Variants in JAK1 observed in about 807,000 individuals in gnomAD.
The protein encoded by JAK1 is tyrosine-protein kinase JAK1.
Under a neutral mutation model 136.6 loss-of-function variants are expected in JAK1, and 16 were observed. The observed-to-expected ratio is 0.12, with a 90% confidence interval of 0.08 to 0.18. The LOEUF (loss-of-function observed/expected upper bound fraction) is 0.18. JAK1 is among the 10% of genes least tolerant of loss of function. The pLI, the probability that JAK1 is intolerant of heterozygous loss-of-function variation, is 1.00. For missense variants in JAK1, 859 were observed against 1,450.1 expected (o/e 0.59, Z 6.62); for synonymous variants, 492 against 519.5 (o/e 0.95, Z 0.72).
At chr1:64,851,049 A>T in intron 11 of JAK1, 139 bp from the exon 12 acceptor site, 1 of 655,808 alleles carries the variant, frequency 1.5e-6, no homozygotes, top group Non-Finnish European at 2.8e-6. Context: ...CTTATTCAAT[A>T]GGCATATGGC....
At chr1:65,011,659 T>C (rs1646850064) in intron 2 of JAK1, among the ~76,000 whole-genome samples, 1 of 152,162 alleles carries the variant, frequency 6.6e-6, no homozygotes, top group Non-Finnish European at 1.5e-5. Flanking sequence ...AGGAGACATA[T>C]TTTTTCACCT....
chr1:64,986,176 G>T, intron 2 of JAK1: 1 of 423,932 alleles, frequency 2.4e-6, no homozygotes, highest in Non-Finnish European at 4.3e-6. Context: ...GGCGATCTCA[G>T]CTCACTGCAA....
intron 2 of JAK1, among the ~76,000 whole-genome samples, chr1:65,035,088 A>T (rs1050302309): frequency 2.0e-5 from 3 of 151,760 alleles, no homozygotes; most frequent in Non-Finnish European, 2.9e-5. Flanking sequence ...AAATAAATAA[A>T]TAATAAATAA....
chr1:64,855,001 C>G (rs1655838088), intron 11 of JAK1, among the ~76,000 whole-genome samples: 1 of 152,196 alleles, frequency 6.6e-6, no homozygotes, highest in South Asian at 2.1e-4. Context: ...TGTTTGACTC[C>G]AGGGTATGAT....
chr1:64,957,242 G>A (rs1294660865), intron 1 of JAK1, among the ~76,000 whole-genome samples: 4 of 152,138 alleles, frequency 2.6e-5, no homozygotes, highest in Non-Finnish European at 5.9e-5. Context: ...GGATCCTTCC[G>A]TTTTTTCATG....
intron 2 of JAK1, chr1:64,972,778 G>C (rs1225125405): frequency 6.6e-6 from 1 of 152,190 alleles, no homozygotes; most frequent in Non-Finnish European, 1.5e-5. Context: ...GATAGAGTGA[G>C]ACCCTGTCTC....
intron 2 of JAK1, among the ~76,000 whole-genome samples, chr1:64,980,320 T>C (rs1646533038): frequency 6.6e-6 from 1 of 152,134 alleles, no homozygotes; most frequent in East Asian, 1.9e-4. Flanking sequence ...CATGTTACAA[T>C]GAAGGCACTC....
chr1:64,933,889 T>C (rs185634238), intron 1 of JAK1, among the ~76,000 whole-genome samples: 10 of 152,316 alleles, frequency 6.6e-5, no homozygotes, highest in Admixed American at 4.6e-4. Context: ...CTTTGAATCA[T>C]TCAAAATCGC....
chr1:65,020,848 T>A (rs974931931), intron 2 of JAK1, among the ~76,000 whole-genome samples: 1 of 152,068 alleles, frequency 6.6e-6, no homozygotes, highest in African/African-American at 2.4e-5. Context: ...GGTAACAAAA[T>A]ACTCTAGAAC....
At chr1:64,935,783 G>T (rs909629543) in intron 1 of JAK1, among the ~76,000 whole-genome samples, 1 of 152,180 alleles carries the variant, frequency 6.6e-6, no homozygotes, top group Non-Finnish European at 1.5e-5. Context: ...GATGCTAAGG[G>T]AGAAGAAAAG....
intron 1 of JAK1, among the ~76,000 whole-genome samples, chr1:65,064,979 G>C (rs981782855): frequency 6.6e-6 from 1 of 152,064 alleles, no homozygotes; most frequent in Non-Finnish European, 1.5e-5. Context: ...TGAAATACAC[G>C]GTAAGTATCC....
chr1:64,949,742 T>A (rs1646048684), intron 1 of JAK1, among the ~76,000 whole-genome samples: 1 of 152,200 alleles, frequency 6.6e-6, no homozygotes, highest in Non-Finnish European at 1.5e-5. Context: ...TTTCCAGAAT[T>A]ACATACTAAA....
chr1:64,982,398 G>A (rs140330018), intron 2 of JAK1, among the ~76,000 whole-genome samples: 6 of 152,266 alleles, frequency 3.9e-5, no homozygotes, highest in East Asian at 1.9e-4. Flanking sequence ...GCCACAGTCC[G>A]GGAGGTAAAT....
rs2101029744 is a variant in JAK1, at chr1:64,850,843, C to T, written c.1716G>A (p.Gln572=). 2 of 1,614,184 alleles carry T rather than the reference C, an allele frequency of 1.2e-6. No individual in the cohort carries two copies. The highest frequency in any genetic ancestry group is 2.7e-5 in the African/African-American group (2 of 75,056). ...TCTTGAGGATCCGATCGAAACTCAG[C>T]TGGCTCATGGGGTAGACGGGCTGCC... ...QEWQPVYPMS[Q]LSFDRILKKD... Residue 572 remains glutamine (Q), a synonymous_variant, in exon 12 of 25, where the codon CAG becomes CAA. Transcript: ENST00000342505.
intron 1 of JAK1, among the ~76,000 whole-genome samples, chr1:64,927,445 A>C (rs1476544009): frequency 6.6e-6 from 1 of 152,266 alleles, no homozygotes; most frequent in Non-Finnish European, 1.5e-5. Context: ...AAATGAACGA[A>C]TAAATGAGGC....
At chr1:64,843,971 T>A in intron 17 of JAK1, 93 bp downstream of exon 17, 1 of 1,454,350 alleles carries the variant, frequency 6.9e-7, no homozygotes. Context: ...TGCCCATCTC[T>A]TCCCACAGTG....
In JAK1 at chr1:64,965,573, C is replaced by T. The variant is rs1023975557; in HGVS notation, c.-78+760G>A. ...CCGATGCTCCCGGTCGCCGACGATG[C>T]GCGGATGGAGTTGGAGTGAGGGAGC... On this transcript the variant is annotated intron_variant, in intron 1 of 24. Coordinates refer to ENST00000342505, the MANE Select transcript of JAK1 (RefSeq NM_002227.4). 6.6e-5 allele frequency among the ~76,000 whole-genome samples: 10 copies of T among 152,272 alleles called. No individual in the cohort carries two copies. The South Asian group carries it at 2.1e-3, about 32-fold the overall frequency.
rs974373836 is a variant in JAK1 at position 64,937,968 on chromosome 1, C to T, written c.-78+28365G>A. Among the ~76,000 whole-genome samples the T allele has an allele frequency of 3.9e-5, 6 of 151,936 alleles. No individual in the cohort carries two copies. The East Asian group carries it at 1.2e-3, about 29-fold the overall frequency. On this transcript the variant is annotated intron_variant, in intron 1 of 24. Transcript: ENST00000342505. ...GATCTCGGCTCAGTGCAACATCTGC[C>T]TCCCGGGTTCATGCCATTCTCCTGC...
intron 1 of JAK1, among the ~76,000 whole-genome samples, chr1:65,044,685 GT>G (rs1647168838): frequency 6.6e-6 from 1 of 152,190 alleles, no homozygotes; most frequent in South Asian, 2.1e-4. Context: ...GTGGCTGTTT[GT>G]AGCCAACAGG....
Sources: allele counts gnomAD v4.1 joint callset (sites outside exome capture counted in the v4.1 genomes callset), GRCh38; gene constraint gnomAD v4.1.1; transcripts MANE v1.5; gene names NCBI Gene and HGNC (gene_info 2026-07-23, HGNC 2026-07-21).